CTNNA3: variants seen among roughly 807,000 people sequenced by gnomAD.
CTNNA3 encodes catenin alpha-3.
Under a neutral mutation model 95.7 loss-of-function variants are expected in CTNNA3, and 76 were observed. The observed-to-expected ratio is 0.79, with a 90% confidence interval of 0.66 to 0.96. The LOEUF (loss-of-function observed/expected upper bound fraction) is 0.96, where lower values mean the gene tolerates loss of function less well. Ranked by LOEUF, CTNNA3 falls within the 40% of genes least tolerant of loss-of-function variation. CTNNA3 has a pLI of 0.00. For missense variants in CTNNA3, 1,191 were observed against 1,089.8 expected, an observed-to-expected ratio of 1.09 and a Z score of -1.31; for synonymous variants, 431 against 374.4, an observed-to-expected ratio of 1.15 and a Z score of -1.74.
At chr10:66,900,994 C>G (rs1000782337) in intron 7 of CTNNA3, among the ~76,000 whole-genome samples, 8 of 152,198 alleles carry the variant, frequency 5.3e-5, no homozygotes, top group Non-Finnish European at 1.0e-4. Context: ...TCTAGCAAAG[C>G]AGGCCAACAT....
intron 1 of CTNNA3, among the ~76,000 whole-genome samples, chr10:67,677,942 G>C (rs551478216): frequency 1.3e-5 from 2 of 152,204 alleles, no homozygotes; most frequent in East Asian, 3.9e-4. Flanking sequence ...GAGTTGCCCC[G>C]ATGCAAATGT....
intron 9 of CTNNA3, among the ~76,000 whole-genome samples, chr10:66,715,988 A>C (rs1848437750): frequency 6.6e-6 from 1 of 152,140 alleles, no homozygotes; most frequent in Non-Finnish European, 1.5e-5. Context: ...CATATAAGGA[A>C]TATCACATTT....
At chr10:67,563,731 T>G (rs543522494) in intron 3 of CTNNA3, among the ~76,000 whole-genome samples, 151 of 151,984 alleles carry the variant, frequency 9.9e-4, no homozygotes, top group African/African-American at 3.4e-3. Flanking sequence ...GAAAATTTTT[T>G]CAATCTACCC....
At position 67,562,224 on chromosome 10, in the gene CTNNA3, G is replaced by A. The variant is rs1048473049; in HGVS notation, c.293-22555C>T. Among the ~76,000 whole-genome samples, 5 of 152,096 alleles carry A rather than the reference G, an allele frequency of 3.3e-5. 1 individual carries two copies. The highest frequency in any genetic ancestry group is 1.2e-4 in the African/African-American group (5 of 41,400). ...TAGACCAATATCCTTGATGAACATT[G>A]ATACAAAAATCCTCAGTAAAATACT... On this transcript the variant is annotated intron_variant, in intron 3 of 17. Coordinates refer to ENST00000433211, the MANE Select transcript of CTNNA3 (RefSeq NM_013266.4).
intron 5 of CTNNA3, among the ~76,000 whole-genome samples, chr10:67,406,503 A>G (rs1022493008): frequency 6.6e-6 from 1 of 152,158 alleles, no homozygotes; most frequent in African/African-American, 2.4e-5. Flanking sequence ...TAACATCACA[A>G]CTAAAAGAAC....
chr10:67,424,679 C>G (rs1039692774), intron 5 of CTNNA3, among the ~76,000 whole-genome samples: 1 of 152,016 alleles, frequency 6.6e-6, no homozygotes, highest in African/African-American at 2.4e-5. Context: ...ATAGAATCAT[C>G]ATTATACTCA....
At chr10:66,302,648 A>G (rs1450525803) in intron 12 of CTNNA3, among the ~76,000 whole-genome samples, 2 of 152,152 alleles carry the variant, frequency 1.3e-5, no homozygotes, top group Non-Finnish European at 2.9e-5. Context: ...ATATACCATG[A>G]TAATGTAAGA....
chr10:66,876,076 T>A (rs1844610387), intron 7 of CTNNA3, among the ~76,000 whole-genome samples: 1 of 152,186 alleles, frequency 6.6e-6, no homozygotes, highest in African/African-American at 2.4e-5. Flanking sequence ...GAATACATAA[T>A]AAATATCTGC....
chr10:66,362,576 G>A (rs960751383), intron 12 of CTNNA3, among the ~76,000 whole-genome samples: 28 of 151,938 alleles, frequency 1.8e-4, no homozygotes, highest in African/African-American at 6.5e-4. Context: ...AGCCGGGTGT[G>A]GTGGTGTATG....
intron 5 of CTNNA3, among the ~76,000 whole-genome samples, chr10:67,241,640 G>C (rs1348414469): frequency 6.6e-6 from 1 of 152,104 alleles, no homozygotes; most frequent in Non-Finnish European, 1.5e-5. Flanking sequence ...ATCAAATAGG[G>C]TCCAAAGCCC....
At chr10:65,971,545 T>C (rs1056974442) in intron 16 of CTNNA3, among the ~76,000 whole-genome samples, 10 of 151,708 alleles carry the variant, frequency 6.6e-5, no homozygotes, top group African/African-American at 2.4e-4. Context: ...TGGGAACACA[T>C]CTGTGCATAC....
At chr10:66,050,939 G>T (rs2133535709) in intron 15 of CTNNA3, among the ~76,000 whole-genome samples, 1 of 152,092 alleles carries the variant, frequency 6.6e-6, no homozygotes, top group Non-Finnish European at 1.5e-5. Context: ...CTGCAGCCTG[G>T]AACTTCTGGG....
chr10:67,198,279 A>G (rs1259982965), intron 6 of CTNNA3, among the ~76,000 whole-genome samples: 2 of 152,102 alleles, frequency 1.3e-5, no homozygotes, highest in African/African-American at 2.4e-5. Context: ...TAAAAGCACT[A>G]TTTCCCTAAG....
intron 1 of CTNNA3, among the ~76,000 whole-genome samples, chr10:67,679,278 G>C (rs1230085713): frequency 6.6e-6 from 1 of 152,082 alleles, no homozygotes; most frequent in Non-Finnish European, 1.5e-5. Context: ...CTACCCACTA[G>C]ATGCCAAAAG....
chr10:66,293,605 T>C (rs1438599246), intron 12 of CTNNA3, among the ~76,000 whole-genome samples: 1 of 152,050 alleles, frequency 6.6e-6, no homozygotes, highest in African/African-American at 2.4e-5. Context: ...TAAAATTTCC[T>C]GTACAATGTA....
At chr10:66,904,900 G>A (rs1456276447) in intron 7 of CTNNA3, among the ~76,000 whole-genome samples, 1 of 152,164 alleles carries the variant, frequency 6.6e-6, no homozygotes, top group East Asian at 1.9e-4. Flanking sequence ...TGGAGAAATA[G>A]GAACGCTTTT....
chr10:66,323,511 C>T (rs912960080), intron 12 of CTNNA3, among the ~76,000 whole-genome samples: 21 of 151,738 alleles, frequency 1.4e-4, no homozygotes, highest in Admixed American at 9.2e-4. Context: ...ATTAGCTGGA[C>T]GTGGTGCCAT....
intron 10 of CTNNA3, among the ~76,000 whole-genome samples, chr10:66,618,555 T>C (rs1844617075): frequency 6.6e-6 from 1 of 151,998 alleles, no homozygotes; most frequent in Non-Finnish European, 1.5e-5. Context: ...CTACAAAAAT[T>C]AATTCAAGAA....
chr10:66,537,806 A>T (rs12772537), intron 10 of CTNNA3, among the ~76,000 whole-genome samples: 5,420 of 151,862 alleles, frequency 0.036, 271 homozygotes, highest in East Asian at 0.23. Flanking sequence ...GAATTTTTTT[A>T]AAAAACTTCT....
Sources: gnomAD v4.1 joint callset for allele counts (sites outside exome capture counted in the v4.1 genomes callset) on GRCh38, gnomAD v4.1.1 for gene constraint, MANE v1.5 for transcripts, NCBI Gene and HGNC (gene_info 2026-07-23, HGNC 2026-07-21) for gene names.